Variants in MAP7 observed in about 807,000 individuals in gnomAD.
The protein encoded by MAP7 is microtubule associated protein 7.
A neutral mutation model predicts 94.8 loss-of-function variants in MAP7; 52 were observed. That is an observed-to-expected ratio of 0.55 (90% CI 0.44 to 0.69). The LOEUF (loss-of-function observed/expected upper bound fraction) is 0.69, where lower values mean the gene tolerates loss of function less well. MAP7 is among the 30% of genes least tolerant of loss of function. The probability of loss-of-function intolerance (pLI) is 0.00; values close to 1 mark genes in which losing one functional copy is unlikely to be tolerated. For synonymous variants in MAP7, 350 were observed against 357.0 expected (o/e 0.98, Z 0.22); for missense variants, 940 against 964.6 (o/e 0.97, Z 0.34).
intron 1 of MAP7, among the ~76,000 whole-genome samples, chr6:136,471,016 CT>C (rs1808804341): frequency 6.6e-6 from 1 of 152,034 alleles, no homozygotes; most frequent in Non-Finnish European, 1.5e-5. Context: ...TTGCGTTTAT[CT>C]AACATAAATG....
chr6:136,512,602 C>T (rs752011463), intron 1 of MAP7, among the ~76,000 whole-genome samples: 9 of 152,122 alleles, frequency 5.9e-5, no homozygotes, highest in Admixed American at 5.9e-4. Flanking sequence ...ACAGTGCATA[C>T]AAAAGTTGTG....
At chr6:136,509,478 C>A (rs908577551) in intron 1 of MAP7, among the ~76,000 whole-genome samples, 3 of 152,148 alleles carry the variant, frequency 2.0e-5, no homozygotes, top group Admixed American at 2.0e-4. Flanking sequence ...GTTTCAAACT[C>A]TTTGCCTCAA....
intron 1 of MAP7, among the ~76,000 whole-genome samples, chr6:136,470,636 C>G (rs1341191245): frequency 6.6e-6 from 1 of 152,102 alleles, no homozygotes; most frequent in Non-Finnish European, 1.5e-5. Context: ...CCCTCCTCTG[C>G]TTGCTTTCAA....
chr6:136,426,208 T>C (rs1793089316), intron 1 of MAP7, among the ~76,000 whole-genome samples: 1 of 152,178 alleles, frequency 6.6e-6, no homozygotes, highest in African/African-American at 2.4e-5. Flanking sequence ...CATTTGAATG[T>C]CCTCACAAAA....
At chr6:136,383,929 T>C in intron 5 of MAP7, 148 bp from the exon 6 acceptor site, 1 of 588,542 alleles carries the variant, frequency 1.7e-6, no homozygotes, top group Non-Finnish European at 3.0e-6. Context: ...AGTGGACATT[T>C]TAAAGGTAAC....
chr6:136,433,409 C>T (rs746388588), intron 1 of MAP7, among the ~76,000 whole-genome samples: 5 of 152,350 alleles, frequency 3.3e-5, no homozygotes, highest in Non-Finnish European at 7.3e-5. Context: ...GCATCTACAC[C>T]TGATCCCTTG....
intron 1 of MAP7, among the ~76,000 whole-genome samples, chr6:136,478,979 C>CAAAAAAAAAAA (rs59319740): frequency 4.4e-5 from 2 of 45,536 alleles, no homozygotes; most frequent in Admixed American, 4.4e-4. Flanking sequence ...ACAGACACAT[C>CAAAAAAAAAAA]AAAAAAAAAA....
At chr6:136,543,616 G>A (rs1829497490) in intron 1 of MAP7, among the ~76,000 whole-genome samples, 1 of 152,050 alleles carries the variant, frequency 6.6e-6, no homozygotes, top group African/African-American at 2.4e-5. Context: ...TTGTGCCATT[G>A]CACTCCAGCC....
chr6:136,504,247 C>G (rs1210673165), intron 1 of MAP7, among the ~76,000 whole-genome samples: 1 of 151,922 alleles, frequency 6.6e-6, no homozygotes, highest in Admixed American at 6.6e-5. Flanking sequence ...AATAGGGAAA[C>G]AGGGAGAGAG....
intron 7 of MAP7, among the ~76,000 whole-genome samples, chr6:136,373,823 G>T (rs1775283542): frequency 6.6e-6 from 1 of 152,200 alleles, no homozygotes; most frequent in African/African-American, 2.4e-5. Flanking sequence ...AACTTGGGGT[G>T]ATCTTAACTT....
intron 7 of MAP7, among the ~76,000 whole-genome samples, chr6:136,376,584 G>C (rs1317919884): frequency 6.6e-6 from 1 of 152,224 alleles, no homozygotes; most frequent in Non-Finnish European, 1.5e-5. Flanking sequence ...ACAGAACACT[G>C]TGGTTCAGCT....
intron 1 of MAP7, among the ~76,000 whole-genome samples, chr6:136,495,667 G>C (rs898847808): frequency 6.6e-6 from 1 of 152,046 alleles, no homozygotes; most frequent in Non-Finnish European, 1.5e-5. Context: ...TTCCTGATAG[G>C]TATATTAAAC....
At position 136,381,735 on chromosome 6, in the gene MAP7, T is replaced by C. The variant is rs1302168205; in HGVS notation, c.637+1936A>G. 3.3e-5 allele frequency among the ~76,000 whole-genome samples: 5 copies of C among 152,178 alleles called. No homozygotes were observed. The South Asian group carries it at 1.0e-3, about 32-fold the overall frequency. On this transcript the variant is annotated intron_variant, in intron 6 of 17. Coordinates refer to ENST00000354570, the MANE Select transcript of MAP7 (RefSeq NM_003980.6). ...TAGCGTTCTCCCTCTTGTCCTATTATTTCTGCTTAGTATTCTATTTTCTGG... is the reference window on the plus strand; with the variant it reads ...TAGCGTTCTCCCTCTTGTCCTATTACTTCTGCTTAGTATTCTATTTTCTGG...
intron 1 of MAP7, among the ~76,000 whole-genome samples, chr6:136,422,081 C>T (rs950775777): frequency 1.3e-5 from 2 of 152,196 alleles, no homozygotes; most frequent in South Asian, 4.1e-4. Context: ...CATAAAGCAA[C>T]CACGTGGAAG....
intron 3 of MAP7, among the ~76,000 whole-genome samples, chr6:136,392,856 C>T (rs1357557904): frequency 2.0e-5 from 3 of 152,036 alleles, no homozygotes; most frequent in African/African-American, 7.3e-5. Flanking sequence ...GAGTTTTATA[C>T]CCCATTTTGA....
intron 1 of MAP7, among the ~76,000 whole-genome samples, chr6:136,427,312 T>C (rs1303822731): frequency 2.0e-5 from 3 of 152,230 alleles, no homozygotes; most frequent in Non-Finnish European, 2.9e-5. Context: ...GTAGGGCATA[T>C]TTTTGAAGGT....
At chr6:136,383,183 A>G (rs1285567803) in intron 6 of MAP7, among the ~76,000 whole-genome samples, 1 of 152,228 alleles carries the variant, frequency 6.6e-6, no homozygotes, top group African/African-American at 2.4e-5. Flanking sequence ...CAGCACACAT[A>G]AGAAATGCAG....
At chr6:136,541,303 C>T (rs575675435) in intron 1 of MAP7, among the ~76,000 whole-genome samples, 3 of 152,304 alleles carry the variant, frequency 2.0e-5, no homozygotes, top group East Asian at 3.9e-4. Flanking sequence ...TCTAGAACTT[C>T]ACCTTGACAT....
At chr6:136,364,464 C>A in intron 10 of MAP7, 1 of 273,204 alleles carries the variant, frequency 3.7e-6, no homozygotes, top group Non-Finnish European at 7.1e-6. Flanking sequence ...TTTGACTAAA[C>A]CTCTTTTGTA....
Sources: allele counts gnomAD v4.1 joint callset (sites outside exome capture counted in the v4.1 genomes callset), GRCh38; gene constraint gnomAD v4.1.1; transcripts MANE v1.5; gene names NCBI Gene and HGNC (gene_info 2026-07-23, HGNC 2026-07-21).